LDLRAD4: variants seen among roughly 807,000 people sequenced by gnomAD.
The protein encoded by LDLRAD4 is low-density lipoprotein receptor class A domain-containing protein 4.
LDLRAD4 carries 5 observed loss-of-function variants against 17.0 expected under a neutral mutation model. The observed-to-expected ratio is 0.29, with a 90% confidence interval of 0.15 to 0.62. The LOEUF is 0.62. LDLRAD4 is among the 20% of genes least tolerant of loss of function. The pLI is 0.84. For synonymous variants in LDLRAD4, 168 were observed against 171.8 expected, an observed-to-expected ratio of 0.98 and a Z score of 0.17; for missense variants, 340 against 424.7, an observed-to-expected ratio of 0.80 and a Z score of 1.75.
intron 3 of LDLRAD4, among the ~76,000 whole-genome samples, chr18:13,538,864 T>G (rs1316808742): frequency 6.6e-6 from 1 of 152,186 alleles, no homozygotes; most frequent in South Asian, 2.1e-4. Flanking sequence ...CTCAGGGAAG[T>G]CAGGCTCTGG....
chr18:13,498,443 C>T lies in LDLRAD4; in HGVS notation c.181+60059C>T, dbSNP rs543326020. The stretch of plus-strand genomic sequence containing the variant: ...AGAATCCTTCTCGCCACACACATCC[C>T]GCCGTGGACACTGGAGAATCCTTTT... On this transcript the variant is annotated intron_variant, in intron 3 of 5. Coordinates refer to ENST00000359446, the Ensembl canonical transcript of LDLRAD4. Among the ~76,000 whole-genome samples, 53 of 142,136 alleles carry T rather than the reference C, an allele frequency of 3.7e-4. 2 individuals are homozygous for T. The highest frequency in any genetic ancestry group is 2.4e-4 in the South Asian group (1 of 4,218). The allele number at this position is 142,136 out of a possible 152,430, so 93.2% of individuals were successfully genotyped here.
At chr18:13,504,344 T>C (rs559474007) in intron 3 of LDLRAD4, among the ~76,000 whole-genome samples, 1 of 152,358 alleles carries the variant, frequency 6.6e-6, no homozygotes, top group South Asian at 2.1e-4. Flanking sequence ...AAGACAAGTG[T>C]CCACGGTCTG....
At chr18:13,510,960 T>C (rs1369763046) in intron 3 of LDLRAD4, among the ~76,000 whole-genome samples, 1 of 152,170 alleles carries the variant, frequency 6.6e-6, no homozygotes, top group Admixed American at 6.5e-5. Flanking sequence ...TCTTTTTATC[T>C]GCTTGGAAAA....
In LDLRAD4 at chr18:13,621,163, G is replaced by T. The variant is rs376434285; in HGVS notation, c.228G>T (p.Thr76=). Residue 76 remains threonine (T), a synonymous_variant, in exon 4 of 6, where the codon ACG becomes ACT. Transcript: ENST00000359446. This position sits in a 1 kb window ranked among gnomAD's most constrained non-coding sequence, Gnocchi z 5.5. ...TCATCATCATCGTCGTGGTGGTCACGGTGATGGTGGTGGTCATCGTCTGCC... is the reference window on the plus strand; with the variant it reads ...TCATCATCATCGTCGTGGTGGTCACTGTGATGGTGGTGGTCATCGTCTGCC... 5.0e-6 allele frequency: 8 copies of T among 1,614,072 alleles called. No homozygotes were observed. In the African/African-American group the frequency reaches 9.3e-5, roughly 19 times the overall value.
At chr18:13,617,157 T>G (rs187857422) in intron 3 of LDLRAD4, among the ~76,000 whole-genome samples, 1 of 152,124 alleles carries the variant, frequency 6.6e-6, no homozygotes, top group East Asian at 1.9e-4. Flanking sequence ...AGGCTGATCT[T>G]GAACTCCTGG....
At chr18:13,516,487 G>A (rs2093868541) in intron 3 of LDLRAD4, among the ~76,000 whole-genome samples, 1 of 152,202 alleles carries the variant, frequency 6.6e-6, no homozygotes, top group African/African-American at 2.4e-5. Flanking sequence ...GTGCTGTGGA[G>A]AGACCTGAGG....
At chr18:13,587,279 C>T (rs987738503) in intron 3 of LDLRAD4, among the ~76,000 whole-genome samples, 4 of 152,306 alleles carry the variant, frequency 2.6e-5, no homozygotes, top group Admixed American at 1.3e-4. Flanking sequence ...AGAACCCCTG[C>T]CCTAGGCATT....
chr18:13,640,806 C>T (rs1257485647), intron 4 of LDLRAD4, among the ~76,000 whole-genome samples: 3 of 152,164 alleles, frequency 2.0e-5, no homozygotes, highest in Non-Finnish European at 4.4e-5. Flanking sequence ...GACCTGCCGA[C>T]AGGCCGGATA....
intron 1 of LDLRAD4, among the ~76,000 whole-genome samples, chr18:13,345,589 G>T (rs1315201110): frequency 6.6e-6 from 1 of 152,140 alleles, no homozygotes; most frequent in Admixed American, 6.5e-5. Context: ...GGATGATGCT[G>T]GCCTCATAAA....
chr18:13,583,768 G>T (rs1319838603), intron 3 of LDLRAD4, among the ~76,000 whole-genome samples: 4 of 152,150 alleles, frequency 2.6e-5, no homozygotes, highest in African/African-American at 9.7e-5. Flanking sequence ...GAGCCAGGGC[G>T]CTGCGGCTCC....
chr18:13,442,229 C>G (rs928126157), intron 3 of LDLRAD4, among the ~76,000 whole-genome samples: 1 of 152,024 alleles, frequency 6.6e-6, no homozygotes, highest in Non-Finnish European at 1.5e-5. Context: ...AAATATAGAC[C>G]CTGCTATCAA....
intron 3 of LDLRAD4, among the ~76,000 whole-genome samples, chr18:13,505,520 T>G (rs568994629): frequency 2.0e-4 from 31 of 152,214 alleles, no homozygotes; most frequent in Non-Finnish European, 3.5e-4. Context: ...TACTAATAAT[T>G]TAAAACACTA....
chr18:13,648,722 A>G (rs780442200), exon 6 of LDLRAD4: 1 of 152,206 alleles, frequency 6.6e-6, no homozygotes, highest in Non-Finnish European at 1.5e-5. Flanking sequence ...TTATTCCAGC[A>G]AAGTGTGGAT....
rs536997346 is a variant in LDLRAD4, at chr18:13,412,160, T to G, written c.40+24398T>G. ...GCCTGGCCTGCACTGAGTTCTGAAGTTAGTATTTGCTCAGGGCAATTCCCT... is the reference window on the plus strand; with the variant it reads ...GCCTGGCCTGCACTGAGTTCTGAAGGTAGTATTTGCTCAGGGCAATTCCCT... On this transcript the variant is annotated intron_variant, in intron 2 of 5. Coordinates refer to ENST00000359446, the Ensembl canonical transcript of LDLRAD4. Among the ~76,000 whole-genome samples the G allele has an allele frequency of 1.4e-4, 21 of 152,288 alleles. 1 individual carries two copies. In the South Asian group the frequency reaches 2.1e-3, roughly 15 times the overall value.
intron 1 of LDLRAD4, among the ~76,000 whole-genome samples, chr18:13,329,914 A>T (rs1390376833): frequency 1.3e-5 from 2 of 151,026 alleles, no homozygotes; most frequent in African/African-American, 4.9e-5. Flanking sequence ...TTAATTTTTG[A>T]GGCTTTCTAC....
At chr18:13,570,834 G>A (rs538392093) in intron 3 of LDLRAD4, among the ~76,000 whole-genome samples, 1 of 146,724 alleles carries the variant, frequency 6.8e-6, no homozygotes, top group South Asian at 2.2e-4. Context: ...TTTTCTTTTT[G>A]TAGAGTCAAG....
At chr18:13,554,968 G>GA (rs1373864438) in intron 3 of LDLRAD4, among the ~76,000 whole-genome samples, 2 of 152,180 alleles carry the variant, frequency 1.3e-5, no homozygotes, top group Non-Finnish European at 2.9e-5. Context: ...TAATGTGCCG[G>GA]AAGTGACACT....
intron 1 of LDLRAD4, among the ~76,000 whole-genome samples, chr18:13,365,812 T>C (rs1339959289): frequency 1.3e-5 from 2 of 152,262 alleles, no homozygotes; most frequent in African/African-American, 2.4e-5. Flanking sequence ...CTCACCCTGT[T>C]GCCCAGGCTG....
At position 13,535,209 on chromosome 18, in the gene LDLRAD4, C is replaced by T. The variant is rs148668890; in HGVS notation, c.182-85908C>T. On this transcript the variant is annotated intron_variant, in intron 3 of 5. Coordinates refer to ENST00000359446, the Ensembl canonical transcript of LDLRAD4. Reference sequence around the variant, plus strand: ...GTTAAATACCTGAGAGTTGACTGGCCGGGTTATATGTGTTTAATTTAATGG... The same window carrying T: ...GTTAAATACCTGAGAGTTGACTGGCTGGGTTATATGTGTTTAATTTAATGG... Among the ~76,000 whole-genome samples the T allele has an allele frequency of 7.4e-3, 1,133 of 152,184 alleles. 19 individuals carry two copies. The highest frequency in any genetic ancestry group is 0.026 in the African/African-American group (1,070 of 41,510).
Sources: gnomAD v4.1 joint callset for allele counts (sites outside exome capture counted in the v4.1 genomes callset) on GRCh38, gnomAD v4.1.1 for gene constraint, Gnocchi (gnomAD v3.1) non-coding constraint, MANE v1.5 for transcripts, NCBI Gene and HGNC (gene_info 2026-07-23, HGNC 2026-07-21) for gene names.